Variants in FAF1 observed in about 807,000 individuals in gnomAD.
FAF1 encodes FAS-associated factor 1.
FAF1 carries 25 observed loss-of-function variants against 92.5 expected under a neutral mutation model. The observed-to-expected ratio is 0.27, with a 90% CI of 0.20 to 0.38. The LOEUF is 0.38. Among genes scored for constraint, FAF1 ranks in the 10% least tolerant of loss-of-function variants. The probability of loss-of-function intolerance (pLI) is 1.00; values close to 1 mark genes in which losing one functional copy is unlikely to be tolerated. For missense variants in FAF1, 636 were observed against 793.3 expected (o/e 0.80, Z 2.38); for synonymous variants, 234 against 273.2 (o/e 0.86, Z 1.42).
chr1:50,744,601 T>G, intron 5 of FAF1, 83 bp downstream of exon 5: 1 of 920,148 alleles, frequency 1.1e-6, no homozygotes. Flanking sequence ...TGTAACAACA[T>G]TAATTAAAAC....
intron 3 of FAF1, among the ~76,000 whole-genome samples, chr1:50,788,700 A>G (rs1557528278): frequency 6.6e-6 from 1 of 152,212 alleles, no homozygotes; most frequent in Non-Finnish European, 1.5e-5. Context: ...AACAAAAGCC[A>G]TCAAGAGAAA....
chr1:50,933,120 A>G (rs930993654), intron 1 of FAF1, among the ~76,000 whole-genome samples: 1 of 152,330 alleles, frequency 6.6e-6, no homozygotes, highest in African/African-American at 2.4e-5. Context: ...AGTCTCTGAC[A>G]TGACCTGGAG....
intron 1 of FAF1, among the ~76,000 whole-genome samples, chr1:50,926,110 G>A (rs947420348): frequency 1.3e-5 from 2 of 152,054 alleles, no homozygotes; most frequent in Non-Finnish European, 2.9e-5. Context: ...CCAGTTACTC[G>A]GGAGACTGAG....
chr1:50,761,844 T>C (rs1054023700), intron 4 of FAF1, among the ~76,000 whole-genome samples: 1 of 152,108 alleles, frequency 6.6e-6, no homozygotes, highest in Non-Finnish European at 1.5e-5. Flanking sequence ...GCCAGGGCAA[T>C]TAGGCAGGAG....
chr1:50,954,246 G>A (rs1570184439), intron 1 of FAF1, among the ~76,000 whole-genome samples: 1 of 152,240 alleles, frequency 6.6e-6, no homozygotes, highest in East Asian at 1.9e-4. Context: ...TTTCTAGCAA[G>A]GCAGATAAGG....
chr1:50,854,615 G>A (rs1348956060), intron 2 of FAF1, among the ~76,000 whole-genome samples: 1 of 151,906 alleles, frequency 6.6e-6, no homozygotes, highest in Non-Finnish European at 1.5e-5. Flanking sequence ...CAAGTGTAGA[G>A]TACTTAAAAC....
At chr1:50,882,524 C>A (rs1644620310) in intron 1 of FAF1, among the ~76,000 whole-genome samples, 1 of 151,718 alleles carries the variant, frequency 6.6e-6, no homozygotes, top group African/African-American at 2.4e-5. Flanking sequence ...ATGGCTTGAG[C>A]CCGAGAGGCA....
chr1:50,615,352 T>C (rs1652864884), intron 8 of FAF1, among the ~76,000 whole-genome samples: 2 of 152,314 alleles, frequency 1.3e-5, no homozygotes, highest in South Asian at 4.1e-4. Context: ...GTCATTTTGG[T>C]ACAATAATCT....
At position 50,578,079 on chromosome 1, in the gene FAF1, C is replaced by T. The variant is rs1254194037; in HGVS notation, c.1113+4539G>A. Reference sequence around the variant, plus strand: ...CTATATACCAGTTGATGAAGCTCCCCAAATCCTTTGTAATCCCACCACTCC... The same window carrying T: ...CTATATACCAGTTGATGAAGCTCCCTAAATCCTTTGTAATCCCACCACTCC... On this transcript the variant is annotated intron_variant, in intron 12 of 18. Transcript: ENST00000396153. Among the ~76,000 whole-genome samples the T allele has an allele frequency of 6.6e-5, 10 of 152,298 alleles. No individual in the cohort carries two copies. In the East Asian group the frequency reaches 1.9e-3, roughly 29 times the overall value.
At position 50,631,013 on chromosome 1, in the gene FAF1, G is replaced by C. The variant is rs372368801; in HGVS notation, c.744+24429C>G. Among the ~76,000 whole-genome samples the C allele has an allele frequency of 1.8e-4, 28 of 151,586 alleles. No individual in the cohort carries two copies. In the South Asian group the frequency reaches 4.6e-3, roughly 25 times the overall value. On this transcript the variant is annotated intron_variant, in intron 8 of 18. Transcript: ENST00000396153. ...AGATGGGGTTTCACCATCTTGGCCA[G>C]GCTCCTGACCTCGTAATCCACCCAC...
At chr1:50,635,102 T>TA (rs1361272107) in intron 8 of FAF1, among the ~76,000 whole-genome samples, 1 of 152,176 alleles carries the variant, frequency 6.6e-6, no homozygotes, top group Non-Finnish European at 1.5e-5. Context: ...AGCACCAAAA[T>TA]AGAGTACTAC....
chr1:50,621,941 G>A (rs907650414), intron 8 of FAF1, among the ~76,000 whole-genome samples: 1 of 152,052 alleles, frequency 6.6e-6, no homozygotes, highest in African/African-American at 2.4e-5. Context: ...CAAGGCAGGC[G>A]GATGGCCTGA....
At position 50,715,907 on chromosome 1, in the gene FAF1, A is replaced by G. The variant is rs536503513; in HGVS notation, c.552-10016T>C. On this transcript the variant is annotated intron_variant, in intron 6 of 18. Transcript: ENST00000396153. ...CACAGGTATTTTTATATATATGAAC[A>G]TACAAAGCCATATATTATTAGCTTA... Among the ~76,000 whole-genome samples, 19 of 152,352 alleles carry G rather than the reference A, an allele frequency of 1.2e-4. No homozygotes were observed. The South Asian group carries it at 3.9e-3, about 32-fold the overall frequency.
intron 13 of FAF1, among the ~76,000 whole-genome samples, chr1:50,554,397 A>AGAGAGAGAGAGAGAGG (rs1392987096): frequency 6.8e-6 from 1 of 147,728 alleles, no homozygotes; most frequent in African/African-American, 2.5e-5. Context: ...ATATAGAGAG[A>AGAGAGAGAGAGAGAGG]GAGAGAGAGA....
At chr1:50,811,215 T>A (rs1402938703) in intron 2 of FAF1, among the ~76,000 whole-genome samples, 1 of 152,150 alleles carries the variant, frequency 6.6e-6, no homozygotes, top group Non-Finnish European at 1.5e-5. Context: ...AGTGTGCATC[T>A]GTAGTCCCAA....
At chr1:50,676,376 C>G (rs1482711049) in intron 7 of FAF1, among the ~76,000 whole-genome samples, 2 of 146,470 alleles carry the variant, frequency 1.4e-5, no homozygotes, top group South Asian at 4.4e-4. Flanking sequence ...CATTGCACTC[C>G]AGCCTGGGCA....
chr1:50,677,714 G>A (rs1325212604), intron 7 of FAF1, among the ~76,000 whole-genome samples: 1 of 151,942 alleles, frequency 6.6e-6, no homozygotes, highest in Non-Finnish European at 1.5e-5. Flanking sequence ...GACCAACATG[G>A]AGAAACCCTG....
intron 8 of FAF1, among the ~76,000 whole-genome samples, chr1:50,652,292 A>C (rs1440572615): frequency 6.6e-6 from 1 of 152,220 alleles, no homozygotes; most frequent in South Asian, 2.1e-4. Context: ...CTTTGGCAAA[A>C]AATTAAATGT....
intron 4 of FAF1, among the ~76,000 whole-genome samples, chr1:50,754,364 T>A (rs115363550): frequency 6.6e-6 from 1 of 152,350 alleles, no homozygotes; most frequent in South Asian, 2.1e-4. Context: ...TCTCCACCAC[T>A]GAGGAAAGAT....
Sources: allele counts gnomAD v4.1 joint callset (sites outside exome capture counted in the v4.1 genomes callset), GRCh38; gene constraint gnomAD v4.1.1; transcripts MANE v1.5; gene names NCBI Gene and HGNC (gene_info 2026-07-23, HGNC 2026-07-21).